The following STRBP variants were observed in gnomAD, a reference collection of about 807,000 sequenced individuals.
The protein encoded by STRBP is spermatid perinuclear RNA binding protein.
A neutral mutation model predicts 80.1 loss-of-function variants in STRBP; 13 were observed. The ratio of observed to expected loss-of-function variants is 0.16; its 90% CI spans 0.11 to 0.26. STRBP has a LOEUF of 0.26. Ranked by LOEUF, STRBP falls within the 10% of genes least tolerant of loss-of-function variation. The pLI is 1.00. For synonymous variants in STRBP, 284 were observed against 291.2 expected, an observed-to-expected ratio of 0.98 and a Z score of 0.25; for missense variants, 485 against 815.2, an observed-to-expected ratio of 0.59 and a Z score of 4.93.
chr9:123,183,945 T>C (rs1293375523), intron 3 of STRBP, among the ~76,000 whole-genome samples, 187 bp downstream of exon 3: 3 of 152,226 alleles, frequency 2.0e-5, no homozygotes, highest in African/African-American at 7.2e-5. Flanking sequence ...CCCTACCTTG[T>C]GGTTTACATA....
At position 123,126,375 on chromosome 9, in the gene STRBP, C is replaced by A. The variant is rs1198882222; in HGVS notation, c.1943-702G>T. On this transcript the variant is annotated intron_variant, in intron 18 of 18. Transcript: ENST00000348403. The surrounding 1 kb of genome is among the most constrained non-coding windows in gnomAD (Gnocchi z 4.4). ...TTACAAAGGCCAAAAGACATATTTA[C>A]CTTACAGCCAAAATAAAGCATCGTT... Among the ~76,000 whole-genome samples, 1 of 152,192 alleles carries A rather than the reference C, an allele frequency of 6.6e-6. No homozygotes were observed. The highest frequency in any genetic ancestry group is 1.5e-5 in the Non-Finnish European group (1 of 68,034).
chr9:123,188,727 T>C (rs929268507), intron 2 of STRBP, among the ~76,000 whole-genome samples: 2 of 152,180 alleles, frequency 1.3e-5, no homozygotes, highest in African/African-American at 4.8e-5. Context: ...AGGGATTTTT[T>C]TTCCTGAAAT....
chr9:123,210,666 A>C (rs555137632), intron 2 of STRBP, among the ~76,000 whole-genome samples: 94 of 152,248 alleles, frequency 6.2e-4, no homozygotes, highest in Admixed American at 1.9e-3. Flanking sequence ...GTCTCTACTA[A>C]AAATACACAA....
chr9:123,233,142 T>G (rs1347650893), intron 2 of STRBP, among the ~76,000 whole-genome samples: 1 of 152,194 alleles, frequency 6.6e-6, no homozygotes, highest in Non-Finnish European at 1.5e-5. Context: ...GGCGTGAACA[T>G]AGCTCATGGC....
chr9:123,136,391 A>T lies in STRBP; in HGVS notation c.1622T>A (p.Phe541Tyr). The T allele has an allele frequency of 6.2e-7, 1 of 1,613,910 alleles. No individual in the cohort carries two copies. The highest frequency in any genetic ancestry group is 8.5e-7 in the Non-Finnish European group (1 of 1,179,946). ...TGTCTGGGTACACACCTCCATTACA[A>T]AGCGCTTGTCATGGCTTCCACCAGT... ...SETGGSHDKR[F>Y]VMEVEVDGQK... Residue 541 changes from phenylalanine (F) to tyrosine (Y), a missense_variant, in exon 15 of 19, where the codon TTT becomes TAT. Transcript: ENST00000348403. This position sits in a 1 kb window ranked among gnomAD's most constrained non-coding sequence, Gnocchi z 4.2.
intron 11 of STRBP, among the ~76,000 whole-genome samples, chr9:123,152,134 G>A (rs1469129975): frequency 1.3e-5 from 2 of 152,088 alleles, no homozygotes; most frequent in Non-Finnish European, 2.9e-5. Flanking sequence ...TGCTTATTAA[G>A]GGAATCAGAT....
downstream of STRBP, among the ~76,000 whole-genome samples, chr9:123,117,848 A>T (rs765673543): frequency 1.3e-5 from 2 of 152,376 alleles, no homozygotes; most frequent in Non-Finnish European, 2.9e-5. Context: ...CATACCTCAG[A>T]TTTCACTGAA....
chr9:123,116,659 A>G (rs1442380905), downstream of STRBP, among the ~76,000 whole-genome samples: 2 of 152,140 alleles, frequency 1.3e-5, no homozygotes, highest in Non-Finnish European at 2.9e-5. Context: ...GCCTACAGGA[A>G]AGGTGAGCCG....
intron 3 of STRBP, chr9:123,112,581 C>G (rs2035584676): frequency 1.2e-5 from 2 of 167,438 alleles, no homozygotes; most frequent in African/African-American, 2.4e-5. Flanking sequence ...CCATGCTCAG[C>G]AGAAAGCGCT....
intron 13 of STRBP, among the ~76,000 whole-genome samples, chr9:123,142,492 G>A (rs1195408613): frequency 1.3e-5 from 2 of 152,096 alleles, no homozygotes; most frequent in Non-Finnish European, 2.9e-5. Flanking sequence ...TGCAAGAATG[G>A]ACTAATACGT....
chr9:123,234,024 T>C (rs10818794), intron 2 of STRBP, among the ~76,000 whole-genome samples: 42,142 of 151,210 alleles, frequency 0.28, 7,917 homozygotes, highest in East Asian at 0.7. Flanking sequence ...TACGGTGAAA[T>C]CCCGTCTCTA....
chr9:123,123,078 G>T lies in STRBP; in HGVS notation c.*2519C>A. 4 of 985,422 alleles carry T rather than the reference G, an allele frequency of 4.1e-6. No individual in the cohort carries two copies. The highest frequency in any genetic ancestry group is 4.8e-6 in the Non-Finnish European group (4 of 829,934). 61.0% of individuals were successfully genotyped at this position (985,422 alleles called of 1,614,324 possible). On this transcript the variant is annotated 3_prime_UTR_variant, in exon 19 of 19. Transcript: ENST00000348403. ...GGTGTCACATTGCTCTTAAGACCAA[G>T]ACATAGAAATTGCCATTTCAAGCCA...
chr9:123,211,948 G>A (rs1434152641), intron 2 of STRBP, among the ~76,000 whole-genome samples: 3 of 152,100 alleles, frequency 2.0e-5, no homozygotes, highest in Non-Finnish European at 4.4e-5. Flanking sequence ...TTTACAAGAT[G>A]ACTTCTCACC....
chr9:123,240,815 A>G (rs1433917541), intron 1 of STRBP, among the ~76,000 whole-genome samples: 2 of 152,122 alleles, frequency 1.3e-5, no homozygotes, highest in Admixed American at 6.5e-5. Flanking sequence ...TCACCACACT[A>G]TATCAACAAT....
At chr9:123,232,864 T>C (rs1054836425) in intron 2 of STRBP, among the ~76,000 whole-genome samples, 1 of 152,212 alleles carries the variant, frequency 6.6e-6, no homozygotes, top group Non-Finnish European at 1.5e-5. Flanking sequence ...AGAAGACAGC[T>C]GATTCTTATT....
At chr9:123,245,121 C>G (rs1339379853) in intron 1 of STRBP, among the ~76,000 whole-genome samples, 4 of 152,152 alleles carry the variant, frequency 2.6e-5, no homozygotes, top group Non-Finnish European at 5.9e-5. Flanking sequence ...AGATGGATTA[C>G]TCAGTACATT....
At chr9:123,129,640 T>A (rs2036050573) in intron 17 of STRBP, among the ~76,000 whole-genome samples, 1 of 152,190 alleles carries the variant, frequency 6.6e-6, no homozygotes, top group South Asian at 2.1e-4. Context: ...GCCCAACCCA[T>A]GTTATACTTG....
At chr9:123,173,929 C>G in intron 4 of STRBP, 87 bp from the exon 5 acceptor site, 1 of 1,391,960 alleles carries the variant, frequency 7.2e-7, no homozygotes, top group South Asian at 1.4e-5. Flanking sequence ...AATACTCTTA[C>G]AAACTGATAA....
chr9:123,193,689 T>C (rs772534706), intron 2 of STRBP, among the ~76,000 whole-genome samples: 2 of 152,066 alleles, frequency 1.3e-5, no homozygotes, highest in Non-Finnish European at 2.9e-5. Flanking sequence ...TCGCTAATGC[T>C]ACCACTTTTC....
Sources: gnomAD v4.1 joint callset for allele counts (sites outside exome capture counted in the v4.1 genomes callset) on GRCh38, gnomAD v4.1.1 for gene constraint, Gnocchi (gnomAD v3.1) non-coding constraint, MANE v1.5 for transcripts, NCBI Gene and HGNC (gene_info 2026-07-23, HGNC 2026-07-21) for gene names.